Variants in SOX5 observed in about 807,000 individuals in gnomAD.
SOX5 encodes SRY-box transcription factor 5, also known as transcription factor SOX-5.
Under a neutral mutation model 92.0 loss-of-function variants are expected in SOX5, and 9 were observed. The ratio of observed to expected loss-of-function variants is 0.10; its 90% CI spans 0.06 to 0.17. The LOEUF (loss-of-function observed/expected upper bound fraction) is 0.17. Ranked by LOEUF, SOX5 falls within the 10% of genes least tolerant of loss-of-function variation. SOX5 has a pLI of 1.00. For missense variants in SOX5, 642 were observed against 944.5 expected (o/e 0.68, Z 4.20); for synonymous variants, 344 against 336.3 (o/e 1.02, Z -0.25).
At chr12:23,705,944 C>T (rs2091329710) in intron 6 of SOX5, among the ~76,000 whole-genome samples, 1 of 151,944 alleles carries the variant, frequency 6.6e-6, no homozygotes, top group African/African-American at 2.4e-5. Flanking sequence ...GCTGCAGGAG[C>T]TCCTAGAGAG....
chr12:23,578,148 A>AAAAAAAAAAAAAAAAAAC (rs1949524825), intron 9 of SOX5, among the ~76,000 whole-genome samples: 1 of 133,438 alleles, frequency 7.5e-6, no homozygotes, highest in Non-Finnish European at 1.6e-5. Context: ...AAAAAAAAAA[A>AAAAAAAAAAAAAAAAAAC]AACTATAGGG....
chr12:23,795,744 A>G (rs1169103390), intron 3 of SOX5, among the ~76,000 whole-genome samples: 1 of 152,166 alleles, frequency 6.6e-6, no homozygotes, highest in African/African-American at 2.4e-5. Context: ...GCTGCTATAC[A>G]ATGAAGCTAC....
intron 3 of SOX5, among the ~76,000 whole-genome samples, chr12:23,805,675 T>C (rs2095756974): frequency 6.6e-6 from 1 of 152,048 alleles, no homozygotes; most frequent in South Asian, 2.1e-4. Context: ...CCAAACACAA[T>C]ATGTTAGAAA....
chr12:24,234,569 G>C (rs944154651), intron 3 of SOX5, among the ~76,000 whole-genome samples: 1 of 151,988 alleles, frequency 6.6e-6, no homozygotes, highest in Non-Finnish European at 1.5e-5. Flanking sequence ...GTAGAGACAG[G>C]GTTTCACCAT....
intron 4 of SOX5, among the ~76,000 whole-genome samples, chr12:24,100,028 C>T (rs1247216699): frequency 6.6e-6 from 1 of 152,134 alleles, no homozygotes; most frequent in Non-Finnish European, 1.5e-5. Context: ...AGCAGAAATG[C>T]TATTTATCAA....
chr12:23,690,776 A>G lies in SOX5; in HGVS notation c.811-25212T>C, dbSNP rs116648388. 4.4e-3 allele frequency among the ~76,000 whole-genome samples: 664 copies of G among 152,234 alleles called. 3 individuals are homozygous for G. Among genetic ancestry groups the G allele is most frequent in the African/African-American group, 0.014 (600 of 41,536 alleles). On this transcript the variant is annotated intron_variant, in intron 6 of 14. Transcript: ENST00000451604. Reference sequence around the variant, plus strand: ...AACAACTGAAGATTCACATTTCCTTACACACACCAGCTTGACAGGATCTCA... The same window carrying G: ...AACAACTGAAGATTCACATTTCCTTGCACACACCAGCTTGACAGGATCTCA...
intron 4 of SOX5, among the ~76,000 whole-genome samples, chr12:23,998,627 A>G (rs559379216): frequency 5.3e-5 from 8 of 151,648 alleles, no homozygotes; most frequent in African/African-American, 1.7e-4. Context: ...ATATGATGAA[A>G]CCCCATCTCT....
intron 4 of SOX5, among the ~76,000 whole-genome samples, chr12:24,086,910 T>C (rs1216773722): frequency 6.6e-6 from 1 of 152,094 alleles, no homozygotes; most frequent in African/African-American, 2.4e-5. Flanking sequence ...AATCTTTAAA[T>C]TTGTCACAAG....
In SOX5 at chr12:24,456,318, C is replaced by A. The variant is rs568443256; in HGVS notation, c.-250-87679G>T. Among the ~76,000 whole-genome samples, 78 of 152,246 alleles carry A rather than the reference C, an allele frequency of 5.1e-4. No individual in the cohort carries two copies. In the South Asian group the frequency reaches 0.016, roughly 31 times the overall value. ...ATTAGAAATGGTTTTCTTCAAGGAA[C>A]TTTTAAGTAAATGTCACCTAACAAA... On this transcript the variant is annotated intron_variant, in intron 1 of 4. Transcript: ENST00000446891.
chr12:23,860,908 T>C (rs1318523783), intron 2 of SOX5, among the ~76,000 whole-genome samples: 1 of 146,106 alleles, frequency 6.8e-6, no homozygotes, highest in Non-Finnish European at 1.5e-5. Flanking sequence ...TTTGAAAGTT[T>C]ATCGTTATTT....
chr12:24,141,577 C>A (rs1950586644), intron 4 of SOX5, among the ~76,000 whole-genome samples: 2 of 152,190 alleles, frequency 1.3e-5, no homozygotes, highest in Admixed American at 1.3e-4. Context: ...CCTTCAGGAG[C>A]CAAATGACGT....
chr12:23,574,943 G>A (rs1948893862), intron 10 of SOX5, among the ~76,000 whole-genome samples: 1 of 152,076 alleles, frequency 6.6e-6, no homozygotes, highest in African/African-American at 2.4e-5. Flanking sequence ...TTATACCATA[G>A]AATGAATGAC....
chr12:23,787,683 C>T (rs1323031421), intron 3 of SOX5, among the ~76,000 whole-genome samples: 2 of 151,928 alleles, frequency 1.3e-5, no homozygotes, highest in East Asian at 3.9e-4. Flanking sequence ...GTGTGACATA[C>T]TAGTCTATTC....
At chr12:24,407,119 T>C (rs114783478) in intron 1 of SOX5, among the ~76,000 whole-genome samples, 48 of 152,164 alleles carry the variant, frequency 3.2e-4, no homozygotes, top group African/African-American at 1.1e-3. Context: ...AGCTTTTTAA[T>C]CCCAAGAGTT....
At chr12:24,271,085 A>T (rs117327789) in intron 3 of SOX5, among the ~76,000 whole-genome samples, 1 of 152,226 alleles carries the variant, frequency 6.6e-6, no homozygotes, top group South Asian at 2.1e-4. Flanking sequence ...TTTCAACTTT[A>T]CTAGGTACTG....
chr12:24,051,727 C>T (rs1012084609), intron 4 of SOX5, among the ~76,000 whole-genome samples: 1 of 152,122 alleles, frequency 6.6e-6, no homozygotes, highest in Non-Finnish European at 1.5e-5. Flanking sequence ...AGTCAAAACA[C>T]GTAGTTAGTA....
intron 4 of SOX5, among the ~76,000 whole-genome samples, chr12:24,132,157 C>T (rs1426244309): frequency 6.9e-6 from 1 of 145,098 alleles, no homozygotes; most frequent in African/African-American, 2.5e-5. Context: ...CATACATGTG[C>T]CAAGTAGTCT....
At chr12:24,224,341 C>A (rs1258356990) in intron 3 of SOX5, among the ~76,000 whole-genome samples, 2 of 150,990 alleles carry the variant, frequency 1.3e-5, no homozygotes, top group Admixed American at 6.6e-5. Context: ...TTCTTTTTTT[C>A]TTTCTTTTTT....
intron 1 of SOX5, among the ~76,000 whole-genome samples, chr12:24,474,995 C>T (rs1013873884): frequency 6.6e-6 from 1 of 152,074 alleles, no homozygotes; most frequent in African/African-American, 2.4e-5. Flanking sequence ...GGATTACAGG[C>T]ACACACCACC....
Sources: gnomAD v4.1 joint callset for allele counts (sites outside exome capture counted in the v4.1 genomes callset) on GRCh38, gnomAD v4.1.1 for gene constraint, MANE v1.5 for transcripts, NCBI Gene and HGNC (gene_info 2026-07-23, HGNC 2026-07-21) for gene names.